DPP10: variants seen among roughly 807,000 people sequenced by gnomAD.
The protein encoded by DPP10 is dipeptidyl peptidase like 10, also known as inactive dipeptidyl peptidase 10.
Under a neutral mutation model 120.9 loss-of-function variants are expected in DPP10, and 33 were observed. The ratio of observed to expected loss-of-function variants is 0.27; its 90% CI spans 0.21 to 0.37. The LOEUF (loss-of-function observed/expected upper bound fraction) is 0.37, where lower values mean the gene tolerates loss of function less well. Among genes scored for constraint, DPP10 ranks in the 10% least tolerant of loss-of-function variants. The pLI, the probability that DPP10 is intolerant of heterozygous loss-of-function variation, is 1.00. For synonymous variants in DPP10, 337 were observed against 326.1 expected (o/e 1.03, Z -0.36); for missense variants, 816 against 942.8 (o/e 0.87, Z 1.76).
At chr2:114,480,781 A>T (rs1680960177) in intron 1 of DPP10, among the ~76,000 whole-genome samples, 1 of 151,926 alleles carries the variant, frequency 6.6e-6, no homozygotes, top group Admixed American at 6.6e-5. Flanking sequence ...TGGGTGCAGC[A>T]CACCAACATG....
intron 1 of DPP10, among the ~76,000 whole-genome samples, chr2:115,225,415 C>T (rs1450299873): frequency 6.6e-6 from 1 of 151,804 alleles, no homozygotes; most frequent in African/African-American, 2.4e-5. Flanking sequence ...AACAAAGGGC[C>T]CGATGACTAT....
intron 1 of DPP10, among the ~76,000 whole-genome samples, chr2:114,985,899 AT>A (rs1700364644): frequency 1.3e-5 from 2 of 152,214 alleles, no homozygotes; most frequent in Non-Finnish European, 2.9e-5. Context: ...TAATTAAAAT[AT>A]AGGTGTTTAC....
intron 1 of DPP10, among the ~76,000 whole-genome samples, chr2:114,636,048 A>G (rs1473713714): frequency 2.6e-5 from 4 of 151,982 alleles, no homozygotes; most frequent in Non-Finnish European, 4.4e-5. Context: ...TCAAAGTGAC[A>G]GATTCACTCA....
intron 5 of DPP10, among the ~76,000 whole-genome samples, chr2:115,633,205 G>T (rs1486352657): frequency 1.3e-5 from 2 of 152,158 alleles, no homozygotes; most frequent in Non-Finnish European, 2.9e-5. Flanking sequence ...TGATAGACTG[G>T]ATTAAGACAA....
In DPP10 at chr2:115,677,737, A is replaced by G. The variant is rs116466930; in HGVS notation, c.442-11950A>G. The stretch of plus-strand genomic sequence containing the variant: ...GAGGATATAACAATGTTAAATATGT[A>G]TGTACCCAATACCATAGCATCCAGA... On this transcript the variant is annotated intron_variant, in intron 5 of 25. Transcript: ENST00000410059. Among the ~76,000 whole-genome samples the G allele has an allele frequency of 8.2e-3, 1,256 of 152,338 alleles. 15 individuals are homozygous for G. Among genetic ancestry groups the G allele is most frequent in the African/African-American group, 0.029 (1,208 of 41,566 alleles).
intron 3 of DPP10, among the ~76,000 whole-genome samples, chr2:115,452,090 A>G (rs1353543052): frequency 2.6e-5 from 4 of 151,970 alleles, no homozygotes; most frequent in Non-Finnish European, 5.9e-5. Context: ...GCAGAACTAG[A>G]ACAGATTTTC....
intron 1 of DPP10, among the ~76,000 whole-genome samples, chr2:115,237,957 C>T (rs898376688): frequency 3.7e-4 from 57 of 152,278 alleles, no homozygotes; most frequent in African/African-American, 1.4e-3. Context: ...ATAGAAATCA[C>T]AGCAAACCGG....
intron 1 of DPP10, among the ~76,000 whole-genome samples, chr2:114,573,850 A>T (rs949326773): frequency 6.6e-6 from 1 of 152,218 alleles, no homozygotes; most frequent in African/African-American, 2.4e-5. Flanking sequence ...CTGTCTTTTC[A>T]TCAGGAGTCT....
intron 1 of DPP10, among the ~76,000 whole-genome samples, chr2:114,610,630 G>C (rs1468389742): frequency 6.6e-6 from 1 of 152,092 alleles, no homozygotes; most frequent in Admixed American, 6.5e-5. Context: ...ACTGTGTCCA[G>C]GGCACCAAGA....
At chr2:114,776,636 G>T (rs1193363063) in intron 1 of DPP10, among the ~76,000 whole-genome samples, 1 of 152,022 alleles carries the variant, frequency 6.6e-6, no homozygotes, top group East Asian at 1.9e-4. Context: ...TTGGCAGCTT[G>T]AAGTCATCTA....
chr2:115,257,259 T>C (rs1038174443), intron 1 of DPP10, among the ~76,000 whole-genome samples: 1 of 152,142 alleles, frequency 6.6e-6, no homozygotes, highest in Non-Finnish European at 1.5e-5. Flanking sequence ...AATACCCCAC[T>C]CCTCAGTACA....
chr2:115,307,951 T>G (rs1396965059), intron 1 of DPP10, among the ~76,000 whole-genome samples: 1 of 152,064 alleles, frequency 6.6e-6, no homozygotes, highest in Non-Finnish European at 1.5e-5. Context: ...GCAAGTCATT[T>G]AAGAAAAAGT....
At chr2:115,833,848 T>G (rs967696177) in intron 21 of DPP10, among the ~76,000 whole-genome samples, 1 of 152,208 alleles carries the variant, frequency 6.6e-6, no homozygotes, top group Non-Finnish European at 1.5e-5. Flanking sequence ...CGGAAACTTC[T>G]GACCCCAAGC....
chr2:115,791,310 C>G lies in DPP10; in HGVS notation c.1654C>G (p.Pro552Ala). The part of the protein sequence containing the change: ...DYELPLQLSL[P>A]KDFMDRNQYA... Reference sequence around the variant, plus strand: ...AGAACTTCCTTTACAGTTGTCCCTTCCCAAAGATTTTATGGACCGAAACCA... The same window carrying G: ...AGAACTTCCTTTACAGTTGTCCCTTGCCAAAGATTTTATGGACCGAAACCA... Residue 552 changes from proline (P) to alanine (A), a missense_variant, in exon 19 of 26, where the codon CCC becomes GCC. Physicochemically the swap from Pro to Ala is conservative, Grantham distance 27. This residue lies in a region of DPP10 where 592 missense variants were observed against 649.0 expected (regional missense o/e 0.91). Transcript: ENST00000410059. The G allele has an allele frequency of 6.2e-7, 1 of 1,611,808 alleles. No individual in the cohort carries two copies. Among genetic ancestry groups the G allele is most frequent in the Non-Finnish European group, 8.5e-7 (1 of 1,179,294 alleles).
In DPP10 at chr2:114,837,400, G is replaced by A. The variant is rs915300173; in HGVS notation, c.60+394562G>A. Among the ~76,000 whole-genome samples, 13 of 152,188 alleles carry A rather than the reference G, an allele frequency of 8.5e-5. No homozygotes were observed. The Middle Eastern group carries it at 0.01, about 119-fold the overall frequency. ...TTAGGGATTGTATGGCTATTCAGAC[G>A]TCCTTCTTGAGGGCAGGCTCTTTAT... is the stretch of plus-strand genomic sequence containing the variant. On this transcript the variant is annotated intron_variant, in intron 1 of 25. Transcript: ENST00000410059.
At chr2:115,242,597 T>C (rs180827981) in intron 1 of DPP10, among the ~76,000 whole-genome samples, 1 of 152,094 alleles carries the variant, frequency 6.6e-6, no homozygotes, top group Non-Finnish European at 1.5e-5. Flanking sequence ...CTGTTTTCCA[T>C]AGTGGTTGTG....
At chr2:115,104,634 G>A (rs1478537505) in intron 1 of DPP10, among the ~76,000 whole-genome samples, 1 of 152,078 alleles carries the variant, frequency 6.6e-6, no homozygotes, top group African/African-American at 2.4e-5. Flanking sequence ...AGAGACCACT[G>A]CCCTCCAATA....
At chr2:114,601,331 C>G (rs1030129830) in intron 1 of DPP10, among the ~76,000 whole-genome samples, 3 of 151,942 alleles carry the variant, frequency 2.0e-5, no homozygotes, top group Non-Finnish European at 4.4e-5. Context: ...CAAAGATCTT[C>G]TCACATATAT....
intron 21 of DPP10, among the ~76,000 whole-genome samples, chr2:115,829,979 AT>A (rs1324763733): frequency 3.3e-5 from 5 of 151,880 alleles, no homozygotes; most frequent in Admixed American, 1.3e-4. Context: ...AATAATTTTA[AT>A]TTTTTTTAAG....
Sources: gnomAD v4.1 joint callset for allele counts (sites outside exome capture counted in the v4.1 genomes callset) on GRCh38, gnomAD v4.1.1 for gene constraint, gnomAD v4.1.1 regional missense constraint, MANE v1.5 for transcripts, NCBI Gene and HGNC (gene_info 2026-07-23, HGNC 2026-07-21) for gene names.